The following CATSPER3 variants were observed in gnomAD, a reference collection of about 807,000 sequenced individuals.
CATSPER3 encodes cation channel sperm-associated protein 3.
In CATSPER3, 23 loss-of-function variants were observed where a neutral mutation model predicts 36.6. The ratio of observed to expected loss-of-function variants is 0.63; its 90% CI spans 0.45 to 0.89. CATSPER3 has a LOEUF of 0.89. Among genes scored for constraint, CATSPER3 ranks in the 40% least tolerant of loss-of-function variants. The pLI is 0.00. For missense variants in CATSPER3, 474 were observed against 503.9 expected (o/e 0.94, Z 0.57); for synonymous variants, 172 against 184.1 (o/e 0.93, Z 0.53).
In CATSPER3 at chr5:134,969,941, G is replaced by A; in HGVS notation, c.101G>A (p.Arg34Lys). 1 of 1,614,050 alleles carries A rather than the reference G, an allele frequency of 6.2e-7. No individual in the cohort carries two copies. The highest frequency in any genetic ancestry group is 8.5e-7 in the Non-Finnish European group (1 of 1,179,988). ...GFCPTFKKFK[R>K]NDDECRAFVK... is the part of the protein sequence containing the mutation. Reference sequence around the variant, plus strand: ...CTTCACATTCAACTTTTTGACAGGAGGAACGATGATGAATGTCGGGCATTT... The same window carrying A: ...CTTCACATTCAACTTTTTGACAGGAAGAACGATGATGAATGTCGGGCATTT... Residue 34 changes from arginine (R) to lysine (K), a missense_variant and splice_region_variant, in exon 2 of 8, where the codon AGG becomes AAG. Coordinates refer to ENST00000282611, the MANE Select transcript of CATSPER3 (RefSeq NM_178019.3).
chr5:135,000,077 C>T (rs1322178757), intron 3 of CATSPER3, among the ~76,000 whole-genome samples: 7 of 152,172 alleles, frequency 4.6e-5, no homozygotes, highest in Non-Finnish European at 8.8e-5. Context: ...TTTTGAGATA[C>T]GTCCCATCAG....
At chr5:135,007,895 T>C in intron 3 of CATSPER3, 62 bp from the exon 4 acceptor site, 1 of 1,302,608 alleles carries the variant, frequency 7.7e-7, no homozygotes, top group Non-Finnish European at 1.1e-6. Flanking sequence ...AATGGACCTC[T>C]GTCCCTGGAG....
chr5:134,998,585 T>C (rs1351585344), intron 3 of CATSPER3, among the ~76,000 whole-genome samples: 1 of 152,238 alleles, frequency 6.6e-6, no homozygotes, highest in Admixed American at 6.5e-5. Context: ...GCACCTGTTG[T>C]TTCCTGACTT....
intron 3 of CATSPER3, among the ~76,000 whole-genome samples, chr5:135,000,924 T>C (rs1292198651): frequency 6.6e-6 from 1 of 152,234 alleles, no homozygotes; most frequent in Admixed American, 6.5e-5. Flanking sequence ...CTCTATCTCC[T>C]TCAGTTCTTA....
At chr5:134,976,813 A>G (rs1202464862) in intron 2 of CATSPER3, among the ~76,000 whole-genome samples, 4 of 152,234 alleles carry the variant, frequency 2.6e-5, no homozygotes, top group Non-Finnish European at 5.9e-5. Flanking sequence ...CCCTAAGCCC[A>G]CAGACTTAAC....
chr5:134,982,434 A>T (rs1372345282), intron 2 of CATSPER3, among the ~76,000 whole-genome samples: 1 of 152,224 alleles, frequency 6.6e-6, no homozygotes, highest in African/African-American at 2.4e-5. Flanking sequence ...TAAAGTGAGA[A>T]TCTTGAAAAC....
At chr5:134,971,512 A>G (rs1347975015) in intron 2 of CATSPER3, among the ~76,000 whole-genome samples, 1 of 152,176 alleles carries the variant, frequency 6.6e-6, no homozygotes, top group Admixed American at 6.5e-5. Flanking sequence ...TTTCCTTACT[A>G]CAAGCCGTAA....
Position 134,969,989 on chromosome 5 carries a change from G to A in CATSPER3, c.149G>A (p.Arg50His), listed in dbSNP as rs145333202. The A allele has an allele frequency of 8.1e-6, 13 of 1,613,980 alleles. No individual in the cohort carries two copies. The East Asian group carries it at 8.9e-5, about 11-fold the overall frequency. ...RAFVKRVIMS[R>H]FFKIIMISTV... ...TTTGTGAAGAGAGTCATAATGAGCC[G>A]TTTCTTTAAGATAATTATGATTAGC... Residue 50 changes from arginine to histidine, a missense_variant, in exon 2 of 8, where the codon CGT (arginine) becomes CAT (histidine). Arg to His is a conservative substitution (Grantham distance 29, BLOSUM62 0). Transcript: ENST00000282611.
intron 2 of CATSPER3, chr5:134,975,424 C>A: frequency 6.5e-6 from 1 of 152,892 alleles, no homozygotes; most frequent in Non-Finnish European, 1.5e-5. Context: ...ATAGTGAGAC[C>A]CTGTCTCTGT....
chr5:134,976,707 T>A lies in CATSPER3; in HGVS notation c.252+6615T>A, dbSNP rs567174674. On this transcript the variant is annotated intron_variant, in intron 2 of 7. Coordinates refer to ENST00000282611, the MANE Select transcript of CATSPER3 (RefSeq NM_178019.3). ...TAGTAAAGGTTCTCTGTGAGGACTC[T>A]GGCCCTATAGCAGGCTTCTGCCTGG... Among the ~76,000 whole-genome samples, 378 of 152,378 alleles carry A rather than the reference T, an allele frequency of 2.5e-3. 1 individual carries two copies. The highest frequency in any genetic ancestry group is 3.9e-3 in the Non-Finnish European group (263 of 68,036).
intron 7 of CATSPER3, among the ~76,000 whole-genome samples, chr5:135,010,782 C>A (rs532433484): frequency 6.6e-6 from 1 of 152,262 alleles, no homozygotes; most frequent in African/African-American, 2.4e-5. Context: ...ATGTAAATGC[C>A]AGCTCCTTGA....
intron 2 of CATSPER3, among the ~76,000 whole-genome samples, chr5:134,994,893 A>G (rs1360406090): frequency 1.3e-5 from 2 of 151,144 alleles, no homozygotes; most frequent in Non-Finnish European, 3.0e-5. Context: ...CTTCAGCGAG[A>G]CCTCTGTCGA....
At chr5:134,968,807 A>G (rs1012100772) in intron 1 of CATSPER3, 1 of 152,222 alleles carries the variant, frequency 6.6e-6, no homozygotes, top group Non-Finnish European at 1.5e-5. Context: ...ACGTACTCTG[A>G]GAAAAATTGC....
Position 134,967,918 on chromosome 5 carries a change from G to A in CATSPER3, c.-74G>A, listed in dbSNP as rs1355093514. ...CTCTGCTGCCTCTCAGAATCCAGAC[G>A]CTAAGGAAAATCCCTAAGCAGAGAT... On this transcript the variant is annotated 5_prime_UTR_variant, in exon 1 of 8. Transcript: ENST00000282611. The A allele has an allele frequency of 6.1e-6, 7 of 1,144,082 alleles. No homozygotes were observed. Among genetic ancestry groups the A allele is most frequent in the South Asian group, 1.2e-5 (1 of 80,082 alleles). The allele number at this position is 1,144,082 out of a possible 1,614,324, so 70.9% of individuals were successfully genotyped here.
chr5:134,975,820 A>G (rs1751666293), intron 2 of CATSPER3, among the ~76,000 whole-genome samples: 1 of 152,232 alleles, frequency 6.6e-6, no homozygotes, highest in African/African-American at 2.4e-5. Context: ...GATATCTGCA[A>G]TCCCATGTTT....
At chr5:134,995,644 G>A (rs953324792) in intron 2 of CATSPER3, 9 of 163,236 alleles carry the variant, frequency 5.5e-5, no homozygotes, top group African/African-American at 2.2e-4. Context: ...GTTACAGGGT[G>A]GGTGCTCAGT....
chr5:135,011,287 C>T (rs1752176751), intron 7 of CATSPER3, among the ~76,000 whole-genome samples: 1 of 152,218 alleles, frequency 6.6e-6, no homozygotes, highest in South Asian at 2.1e-4. Context: ...AGTTACTTCT[C>T]TCAGGACCTA....
rs773927198 is a variant in CATSPER3 at position 135,008,842 on chromosome 5, T to A, written c.677T>A (p.Val226Asp). Residue 226 changes from valine (V) to aspartate (D), a missense_variant and splice_region_variant, in exon 5 of 8, where the codon GTT (valine) becomes GAT (aspartate). Physicochemically the swap from Val to Asp is radical, Grantham distance 152 (BLOSUM62 -3). Coordinates refer to ENST00000282611, the MANE Select transcript of CATSPER3 (RefSeq NM_178019.3). ...AFFTLFSLAT[V>D]DGWTDLQKQL... ...GCATACTCTTCCCTGCCTGAGCAGG[T>A]TGATGGCTGGACAGACCTGCAGAAG... 5 of 1,614,102 alleles carry A rather than the reference T, an allele frequency of 3.1e-6. No individual in the cohort carries two copies. In the South Asian group the frequency reaches 4.4e-5, roughly 14 times the overall value.
chr5:134,978,025 G>A (rs1426691777), intron 2 of CATSPER3, among the ~76,000 whole-genome samples: 2 of 152,124 alleles, frequency 1.3e-5, no homozygotes, highest in African/African-American at 4.8e-5. Context: ...TAAGGGATCT[G>A]CTCCCACGAT....
Sources: gnomAD v4.1 joint callset for allele counts (sites outside exome capture counted in the v4.1 genomes callset) on GRCh38, gnomAD v4.1.1 for gene constraint, MANE v1.5 for transcripts, NCBI Gene and HGNC (gene_info 2026-07-23, HGNC 2026-07-21) for gene names.